SHANK2: variants seen among roughly 807,000 people sequenced by gnomAD.
The protein encoded by SHANK2 is SH3 and multiple ankyrin repeat domains protein 2.
In SHANK2, 43 loss-of-function variants were observed where a neutral mutation model predicts 133.7. The observed-to-expected ratio is 0.32, with a 90% CI of 0.25 to 0.41. The LOEUF (loss-of-function observed/expected upper bound fraction) is 0.41. SHANK2 is among the 10% of genes least tolerant of loss of function. The pLI is 1.00. For missense variants in SHANK2, 1,994 were observed against 2,235.8 expected (o/e 0.89, Z 2.18); for synonymous variants, 1,017 against 952.8 (o/e 1.07, Z -1.24).
chr11:70,578,980 C>T (rs1047255270), intron 17 of SHANK2, among the ~76,000 whole-genome samples: 1 of 152,208 alleles, frequency 6.6e-6, no homozygotes, highest in Non-Finnish European at 1.5e-5. Flanking sequence ...CCCCATCCAC[C>T]CTCTGCCCAG....
At chr11:71,095,647 A>ATCCCC (rs1381010181) in intron 6 of SHANK2, among the ~76,000 whole-genome samples, 1 of 151,972 alleles carries the variant, frequency 6.6e-6, no homozygotes, top group East Asian at 1.9e-4. Context: ...ACCCCATCCC[A>ATCCCC]TCCCCCTCCA....
Position 70,703,644 on chromosome 11 carries a change from C to G in SHANK2, c.1778-4881G>C, listed in dbSNP as rs1451631157. 2.0e-5 allele frequency among the ~76,000 whole-genome samples: 3 copies of G among 152,180 alleles called. No individual in the cohort carries two copies. The South Asian group carries it at 6.2e-4, about 32-fold the overall frequency. On this transcript the variant is annotated intron_variant, in intron 14 of 25. Transcript: ENST00000601538. ...CACAAATAAAACACCCTGAGGCAGA[C>G]GAGGGGAGGAGCAGGAGGTCAGGGG...
rs1273793505 is a variant in SHANK2 at position 70,569,335 on chromosome 11, G to A, written c.2062-66404C>T. ...GCGTCTGGGGTGATCCTGCTCATGC[G>A]CCTCATGGACGCATCTTGCCCCGGT... On this transcript the variant is annotated intron_variant, in intron 17 of 25. Coordinates refer to ENST00000601538, the MANE Select transcript of SHANK2 (RefSeq NM_012309.5). This position sits in a 1 kb window ranked among gnomAD's most constrained non-coding sequence, Gnocchi z 5.1. 8.5e-5 allele frequency among the ~76,000 whole-genome samples: 13 copies of A among 152,206 alleles called. No individual in the cohort carries two copies. Among genetic ancestry groups the A allele is most frequent in the Admixed American group, 6.5e-4 (10 of 15,288 alleles).
chr11:70,624,124 G>A (rs989009364), intron 17 of SHANK2, among the ~76,000 whole-genome samples: 9 of 152,140 alleles, frequency 5.9e-5, no homozygotes, highest in South Asian at 2.1e-4. Context: ...GGGTGGGCCC[G>A]GAGCTTCCTG....
At chr11:71,218,634 C>T (rs146091584) in intron 2 of SHANK2, among the ~76,000 whole-genome samples, 19 of 152,180 alleles carry the variant, frequency 1.2e-4, no homozygotes, top group African/African-American at 4.3e-4. Flanking sequence ...GAACCTTCAT[C>T]GCTACCTTCT....
chr11:70,676,709 T>G (rs1181204934), intron 15 of SHANK2, among the ~76,000 whole-genome samples: 1 of 152,178 alleles, frequency 6.6e-6, no homozygotes, highest in African/African-American at 2.4e-5. Context: ...GGCAAAACAC[T>G]GGGATGGCTT....
intron 11 of SHANK2, among the ~76,000 whole-genome samples, chr11:70,888,432 C>G (rs1198803): frequency 0.17 from 25,574 of 151,158 alleles, 3,016 homozygotes; most frequent in African/African-American, 0.33. Flanking sequence ...CTCTCGCAAA[C>G]ACACTCAATG....
chr11:70,713,758 C>A (rs1255518172), intron 14 of SHANK2, among the ~76,000 whole-genome samples: 1 of 152,222 alleles, frequency 6.6e-6, no homozygotes, highest in Non-Finnish European at 1.5e-5. Context: ...TCCTTTTCCA[C>A]CATCCGTCAT....
At chr11:71,205,766 C>T (rs147084998) in intron 2 of SHANK2, among the ~76,000 whole-genome samples, 149 of 152,278 alleles carry the variant, frequency 9.8e-4, no homozygotes, top group Admixed American at 2.7e-3. Flanking sequence ...TGTTATTTAT[C>T]CACTTGTTGG....
chr11:70,857,655 T>G (rs543873480), intron 11 of SHANK2, among the ~76,000 whole-genome samples: 4 of 152,268 alleles, frequency 2.6e-5, no homozygotes, highest in Admixed American at 2.0e-4. Flanking sequence ...AGCACTTTAG[T>G]TGACGTGATG....
intron 14 of SHANK2, among the ~76,000 whole-genome samples, chr11:70,795,011 G>A (rs1947876911): frequency 6.6e-6 from 1 of 152,154 alleles, no homozygotes; most frequent in African/African-American, 2.4e-5. Flanking sequence ...AAGGTGCTAA[G>A]TCACGATCTT....
chr11:70,848,325 T>C (rs1212609353), intron 11 of SHANK2, among the ~76,000 whole-genome samples: 6 of 151,754 alleles, frequency 4.0e-5, no homozygotes, highest in Non-Finnish European at 5.9e-5. Flanking sequence ...CCAGGAATTG[T>C]GGGGTGGGGG....
rs1189780894 is a variant in SHANK2 at position 70,804,279 on chromosome 11, T to C, written c.1663+2723A>G. On this transcript the variant is annotated intron_variant, in intron 13 of 25. Transcript: ENST00000601538. The surrounding 1 kb of genome is among the most constrained non-coding windows in gnomAD (Gnocchi z 4.1). ...ACCCGCCCGCCTCTAAGCACTGCCA[T>C]GCAGGCAGCAAGGATGTGCGGGCCA... 6.6e-6 allele frequency among the ~76,000 whole-genome samples: 1 copy of C among 152,104 alleles called. No homozygotes were observed. The highest frequency in any genetic ancestry group is 1.5e-5 in the Non-Finnish European group (1 of 68,014).
chr11:70,891,533 G>C (rs1236654212), intron 11 of SHANK2, among the ~76,000 whole-genome samples: 2 of 152,084 alleles, frequency 1.3e-5, no homozygotes, highest in Non-Finnish European at 2.9e-5. Flanking sequence ...AAAAACACCA[G>C]AATTTACTAT....
At chr11:70,667,029 G>C (rs932500150) in intron 15 of SHANK2, among the ~76,000 whole-genome samples, 1 of 152,070 alleles carries the variant, frequency 6.6e-6, no homozygotes, top group African/African-American at 2.4e-5. Context: ...AAGTACAGCT[G>C]TGCAGGTTGT....
At chr11:70,743,982 G>A (rs551101825) in intron 14 of SHANK2, among the ~76,000 whole-genome samples, 9 of 152,242 alleles carry the variant, frequency 5.9e-5, no homozygotes, top group South Asian at 4.2e-4. Flanking sequence ...AGCTGCTCCC[G>A]GGCCCAAGCC....
intron 17 of SHANK2, among the ~76,000 whole-genome samples, chr11:70,630,894 G>A (rs1451118353): frequency 6.6e-6 from 1 of 152,226 alleles, no homozygotes; most frequent in African/African-American, 2.4e-5. Flanking sequence ...CAAAGGGTGA[G>A]CATGTAGGAG....
intron 17 of SHANK2, among the ~76,000 whole-genome samples, chr11:70,596,125 A>AG (rs1554989481): frequency 6.6e-6 from 1 of 152,138 alleles, no homozygotes; most frequent in African/African-American, 2.4e-5. Flanking sequence ...TGGCCTCTAG[A>AG]GCTGCAGGAG....
At position 70,468,431 on chromosome 11, in the gene SHANK2, G is replaced by C. The variant is rs746973006; in HGVS notation, c.*4438C>G. 1.3e-5 allele frequency: 2 copies of C among 152,216 alleles called. No homozygotes were observed. The highest frequency in any genetic ancestry group is 2.9e-5 in the Non-Finnish European group (2 of 68,042). 9.4% of individuals were successfully genotyped at this position (152,216 alleles called of 1,614,324 possible). A position where few individuals can be genotyped will look rare whatever the true frequency, so the allele number is the denominator to read the frequency against. ...TTCCCCACAAAGCACGGGCAGTCCTGTCTGCATGCAGCTGCTGTGGTCACC... is the reference window on the plus strand; with the variant it reads ...TTCCCCACAAAGCACGGGCAGTCCTCTCTGCATGCAGCTGCTGTGGTCACC... On this transcript the variant is annotated 3_prime_UTR_variant, in exon 26 of 26. Transcript: ENST00000601538.
Sources: allele counts gnomAD v4.1 joint callset (sites outside exome capture counted in the v4.1 genomes callset), GRCh38; gene constraint gnomAD v4.1.1; non-coding constraint Gnocchi (gnomAD v3.1); transcripts MANE v1.5; gene names NCBI Gene and HGNC (gene_info 2026-07-23, HGNC 2026-07-21).